DPYSL4: variants seen among roughly 807,000 people sequenced by gnomAD.
DPYSL4 encodes dihydropyrimidinase-related protein 4.
In DPYSL4, 43 loss-of-function variants were observed where a neutral mutation model predicts 63.4. The observed-to-expected ratio is 0.68, with a 90% CI of 0.53 to 0.88. The LOEUF (loss-of-function observed/expected upper bound fraction) is 0.88, where lower values mean the gene tolerates loss of function less well. Ranked by LOEUF, DPYSL4 falls within the 40% of genes least tolerant of loss-of-function variation. The pLI is 0.00. For missense variants in DPYSL4, 733 were observed against 819.5 expected, an observed-to-expected ratio of 0.89 and a Z score of 1.29; for synonymous variants, 353 against 331.7, an observed-to-expected ratio of 1.06 and a Z score of -0.70.
At position 132,190,806 on chromosome 10, in the gene DPYSL4, T is replaced by G; in HGVS notation, c.99T>G (p.Ala33=). 6.2e-7 allele frequency: 1 copy of G among 1,613,722 alleles called. No homozygotes were observed. Among genetic ancestry groups the G allele is most frequent in the Non-Finnish European group, 8.5e-7 (1 of 1,179,802 alleles). Residue 33 remains alanine (A), a synonymous_variant, in exon 2 of 14, where the codon GCT becomes GCG. Transcript: ENST00000338492. ...TGAATGACGACCAGTCCTTTTACGC[T>G]GATGTGCACGTGGAAGATGGCTTGA... ...RIVNDDQSFY[A]DVHVEDGLIK...
In DPYSL4 at chr10:132,192,801, A is replaced by C; in HGVS notation, c.272A>C (p.Gln91Pro). ...LGMTPADDFC[Q>P]GTKAALAGGT... is the part of the protein sequence containing the mutation. Reference sequence around the variant, plus strand: ...ATGACACCGGCTGACGACTTCTGTCAGGGCACCAAGGCAGCGCTAGCAGGA... The same window carrying C: ...ATGACACCGGCTGACGACTTCTGTCCGGGCACCAAGGCAGCGCTAGCAGGA... Residue 91 changes from glutamine to proline, a missense_variant, in exon 3 of 14, where the codon CAG (glutamine) becomes CCG (proline). Coordinates refer to ENST00000338492, the MANE Select transcript of DPYSL4 (RefSeq NM_006426.3). 10 of 1,612,878 alleles carry C rather than the reference A, an allele frequency of 6.2e-6. No homozygotes were observed. Among genetic ancestry groups the C allele is most frequent in the Non-Finnish European group, 8.5e-6 (10 of 1,179,854 alleles).
chr10:132,192,480 A>T, intron 2 of DPYSL4, 178 bp from the exon 3 acceptor site: 1 of 1,370,478 alleles, frequency 7.3e-7, no homozygotes. Flanking sequence ...AGCTGCGCTG[A>T]GTGATGCTTT....
chr10:132,187,441 C>T (rs531536529), intron 1 of DPYSL4, among the ~76,000 whole-genome samples: 18 of 151,962 alleles, frequency 1.2e-4, no homozygotes, highest in African/African-American at 3.9e-4. Flanking sequence ...AACCCGGGGC[C>T]GGGCGGCCTG....
At chr10:132,202,618 C>T in intron 11 of DPYSL4, 28 bp from the exon 12 acceptor site, 6 of 1,609,182 alleles carry the variant, frequency 3.7e-6, no homozygotes, top group Non-Finnish European at 4.2e-6. Flanking sequence ...AGCGTGGAGG[C>T]ACTGGACCCT....
At chr10:132,202,484 C>G (rs141538489) in intron 11 of DPYSL4, among the ~76,000 whole-genome samples, 162 bp from the exon 12 acceptor site, 1 of 152,222 alleles carries the variant, frequency 6.6e-6, no homozygotes, top group African/African-American at 2.4e-5. Flanking sequence ...GGGCATTCCT[C>G]CCGAGTTCCA....
intron 2 of DPYSL4, chr10:132,192,414 G>A (rs986611477): frequency 2.6e-6 from 3 of 1,156,564 alleles, no homozygotes; most frequent in South Asian, 7.8e-5. Flanking sequence ...GGACCTGAGT[G>A]GAAAACCACA....
intron 6 of DPYSL4, 45 bp from the exon 7 acceptor site, chr10:132,198,370 G>A (rs2061971058): frequency 6.4e-7 from 1 of 1,569,826 alleles, no homozygotes; most frequent in Non-Finnish European, 8.6e-7. Flanking sequence ...CAAGGCCCAG[G>A]CTCCCTTCAG....
intron 1 of DPYSL4, among the ~76,000 whole-genome samples, 160 bp downstream of exon 1, chr10:132,187,262 C>T (rs967918552): frequency 2.0e-5 from 3 of 151,648 alleles, no homozygotes; most frequent in Non-Finnish European, 4.4e-5. Context: ...GGCTCCTTCG[C>T]GCCCCAGGGT....
In DPYSL4 at chr10:132,203,880, C is replaced by G; in HGVS notation, c.1580C>G (p.Ser527Cys). Reference protein sequence around the residue: ...PARASCPGKISVPPVRNLHQS... With the variant: ...PARASCPGKICVPPVRNLHQS... ...CGCGCGTCCTGCCCAGGCAAGATCT[C>G]CGTCCCTCCTGTGCGCAACCTACAT... Residue 527 changes from serine to cysteine, a missense_variant, in exon 13 of 14, where the codon TCC becomes TGC. Transcript: ENST00000338492. The G allele has an allele frequency of 1.2e-6, 2 of 1,612,742 alleles. No homozygotes were observed. The highest frequency in any genetic ancestry group is 1.7e-5 in the Admixed American group (1 of 60,010).
At chr10:132,190,598 A>G in intron 1 of DPYSL4, 149 bp from the exon 2 acceptor site, 1 of 667,578 alleles carries the variant, frequency 1.5e-6, no homozygotes, top group Middle Eastern at 3.5e-4. Context: ...CTTGGGGAAT[A>G]GTAAGCCGCT....
Position 132,201,888 on chromosome 10 carries a change from G to A in DPYSL4, c.1111-58G>A, listed in dbSNP as rs150462501. The A allele has an allele frequency of 1.1e-4, 170 of 1,554,144 alleles. No homozygotes were observed. The African/African-American group carries it at 1.5e-3, about 14-fold the overall frequency. ...TCCTGGTGGCCCAGTGTCTGTCCTC[G>A]CGCAAGCCTCACCCCAACCCCACCC... On this transcript the variant is annotated intron_variant, in intron 10 of 13. Coordinates refer to ENST00000338492, the MANE Select transcript of DPYSL4 (RefSeq NM_006426.3).
intron 2 of DPYSL4, 132 bp from the exon 3 acceptor site, chr10:132,192,526 T>C (rs2061891578): frequency 4.2e-6 from 6 of 1,422,136 alleles, no homozygotes; most frequent in Non-Finnish European, 5.5e-6. Context: ...GTCCAGTGAG[T>C]GGCCGGCCGT....
intron 4 of DPYSL4, 126 bp downstream of exon 4, chr10:132,195,135 T>G: frequency 1.7e-6 from 2 of 1,189,096 alleles, no homozygotes; most frequent in Non-Finnish European, 2.3e-6. Context: ...TGAGTGGAAG[T>G]TGGAGAAAAG....
At chr10:132,197,370 A>G (rs1236134967) in intron 6 of DPYSL4, among the ~76,000 whole-genome samples, 1 of 152,246 alleles carries the variant, frequency 6.6e-6, no homozygotes, top group Non-Finnish European at 1.5e-5. Context: ...CCTCAAAAGC[A>G]AAGTGTCAGC....
At chr10:132,195,580 C>T (rs920465602) in intron 4 of DPYSL4, among the ~76,000 whole-genome samples, 114 of 152,306 alleles carry the variant, frequency 7.5e-4, no homozygotes, top group African/African-American at 2.5e-3. Context: ...AGGAGCCTGT[C>T]AAGGCCCTGG....
chr10:132,202,057 G>A lies in DPYSL4; in HGVS notation c.1222G>A (p.Asp408Asn). 1 of 1,613,172 alleles carries A rather than the reference G, an allele frequency of 6.2e-7. No individual in the cohort carries two copies. The highest frequency in any genetic ancestry group is 8.5e-7 in the Non-Finnish European group (1 of 1,179,934). The change falls in exon 11 of 14, where the codon GAC (aspartate) becomes AAC (asparagine). Residue 408 changes from aspartate (D) to asparagine (N), a missense_variant. Physicochemically the swap from Asp to Asn is conservative, Grantham distance 23. Transcript: ENST00000338492. The stretch of plus-strand genomic sequence containing the variant: ...GCGAGTGGCTGTGGGCTCTGACGCT[G>A]ACCTGGTCATATGGAACCCCAAGGC... ...KGRVAVGSDA[D>N]LVIWNPKATK...
intron 1 of DPYSL4, among the ~76,000 whole-genome samples, chr10:132,188,994 A>G (rs977214807): frequency 6.6e-6 from 1 of 152,246 alleles, no homozygotes; most frequent in African/African-American, 2.4e-5. Context: ...GTTAGATGTC[A>G]GCAGTGAATC....
In DPYSL4 at chr10:132,202,074, C is replaced by G. The variant is rs2137522950; in HGVS notation, c.1239C>G (p.Asn413Lys). Reference sequence around the variant, plus strand: ...CTGACGCTGACCTGGTCATATGGAACCCCAAGGCCACCAAGATCATCTCTG... The same window carrying G: ...CTGACGCTGACCTGGTCATATGGAAGCCCAAGGCCACCAAGATCATCTCTG... The part of the protein sequence containing the change: ...VGSDADLVIW[N>K]PKATKIISAK... The change falls in exon 11 of 14, where the codon AAC becomes AAG. Residue 413 changes from asparagine (N) to lysine (K), a missense_variant. By Grantham distance (94) the Asn-to-Lys change is moderately conservative. Coordinates refer to ENST00000338492, the MANE Select transcript of DPYSL4 (RefSeq NM_006426.3). 1 of 1,612,978 alleles carries G rather than the reference C, an allele frequency of 6.2e-7. No homozygotes were observed. The highest frequency in any genetic ancestry group is 8.5e-7 in the Non-Finnish European group (1 of 1,179,872).
chr10:132,196,819 G>A (rs2061951408), intron 4 of DPYSL4, 42 bp from the exon 5 acceptor site: 1 of 1,609,852 alleles, frequency 6.2e-7, no homozygotes, highest in South Asian at 1.1e-5. Flanking sequence ...TAGGTTGTCT[G>A]ACTGGTGATG....
Sources: allele counts gnomAD v4.1 joint callset (sites outside exome capture counted in the v4.1 genomes callset), GRCh38; gene constraint gnomAD v4.1.1; transcripts MANE v1.5; gene names NCBI Gene and HGNC (gene_info 2026-07-23, HGNC 2026-07-21).